Variants in LRRCC1 observed in about 807,000 individuals in gnomAD.
The protein encoded by LRRCC1 is leucine-rich repeat and coiled-coil domain-containing protein 1.
A neutral mutation model predicts 126.0 loss-of-function variants in LRRCC1; 115 were observed. The observed-to-expected ratio is 0.91, with a 90% CI of 0.78 to 1.07. The LOEUF (loss-of-function observed/expected upper bound fraction) is 1.07. LRRCC1 is among the 50% of genes least tolerant of loss of function. The pLI, the probability that LRRCC1 is intolerant of heterozygous loss-of-function variation, is 0.00. For missense variants in LRRCC1, 1,172 were observed against 1,175.7 expected (o/e 1.00, Z 0.05); for synonymous variants, 400 against 393.4 (o/e 1.02, Z -0.20).
chr8:85,115,084 A>G lies in LRRCC1; in HGVS notation c.545-16A>G. 1.3e-6 allele frequency: 2 copies of G among 1,522,766 alleles called. No homozygotes were observed. The highest frequency in any genetic ancestry group is 2.6e-5 in the South Asian group (2 of 75,544). 94.3% of individuals were successfully genotyped at this position (1,522,766 alleles called of 1,614,324 possible). Reference sequence around the variant, plus strand: ...TTTAATATTTCAGTTTTCATTTTGAATGATTTGTTTCCAAGGGTACAGAGC... The same window carrying G: ...TTTAATATTTCAGTTTTCATTTTGAGTGATTTGTTTCCAAGGGTACAGAGC... On this transcript the variant is annotated splice_polypyrimidine_tract_variant and intron_variant, in intron 4 of 18. Coordinates refer to ENST00000360375, the MANE Select transcript of LRRCC1 (RefSeq NM_033402.5).
At position 85,135,974 on chromosome 8, in the gene LRRCC1, C is replaced by G; in HGVS notation, c.2329+11C>G. ...AGCTGGCACAACAAGGTAAAATTCT[C>G]AGATTTTCAAAGGGAAAATAGCTTA... On this transcript the variant is annotated intron_variant, in intron 14 of 18. Transcript: ENST00000360375. 6.5e-7 allele frequency: 1 copy of G among 1,545,110 alleles called. No individual in the cohort carries two copies. Among genetic ancestry groups the G allele is most frequent in the South Asian group, 1.3e-5 (1 of 79,494 alleles).
intron 18 of LRRCC1, among the ~76,000 whole-genome samples, chr8:85,142,818 C>T (rs1474541303): frequency 1.1e-4 from 14 of 131,366 alleles, no homozygotes; most frequent in African/African-American, 1.5e-4. Context: ...GACTACGGAG[C>T]GAGACCCTGT....
At chr8:85,131,594 C>G (rs1810471563) in intron 11 of LRRCC1, among the ~76,000 whole-genome samples, 166 bp from the exon 12 acceptor site, 2 of 152,162 alleles carry the variant, frequency 1.3e-5, no homozygotes, top group Non-Finnish European at 2.9e-5. Context: ...AAATAAAACT[C>G]ATATTATTTG....
chr8:85,126,909 T>G (rs1810054956), intron 9 of LRRCC1, 72 bp downstream of exon 9: 2 of 1,283,148 alleles, frequency 1.6e-6, no homozygotes, highest in East Asian at 4.7e-5. Flanking sequence ...TGGAATACAT[T>G]AGTTTCAGTG....
At position 85,115,502 on chromosome 8, in the gene LRRCC1, A is replaced by C; in HGVS notation, c.848A>C (p.Glu283Ala). 1.2e-6 allele frequency: 2 copies of C among 1,613,834 alleles called. No individual in the cohort carries two copies. Among genetic ancestry groups the C allele is most frequent in the South Asian group, 2.2e-5 (2 of 91,080 alleles). The change falls in exon 6 of 19, where the codon GAG becomes GCG. Residue 283 changes from glutamate to alanine, a missense_variant. Transcript: ENST00000360375. ...FMSVCQSSEP[E>A]KNNHENDLQN... ...TCTGTGTGTCAATCTTCTGAGCCAG[A>C]GAAAAATAATCATGAAAACGATTTG...
rs921646163 is a variant in LRRCC1, at chr8:85,145,736, C to A, written c.*225C>A. The A allele has an allele frequency of 3.6e-6, 1 of 274,276 alleles. No individual in the cohort carries two copies. The allele number at this position is 274,276 out of a possible 1,614,324, so 17.0% of individuals were successfully genotyped here. On this transcript the variant is annotated 3_prime_UTR_variant, in exon 19 of 19. Coordinates refer to ENST00000360375, the MANE Select transcript of LRRCC1 (RefSeq NM_033402.5). Reference sequence around the variant, plus strand: ...ATTAGAAAAAACTATCATAACTAGACTTACAATATTTTTCTTGTTTCTGTA... The same window carrying A: ...ATTAGAAAAAACTATCATAACTAGAATTACAATATTTTTCTTGTTTCTGTA...
Position 85,137,695 on chromosome 8 carries a change from C to G in LRRCC1, c.2493+68C>G, listed in dbSNP as rs918711475. On this transcript the variant is annotated intron_variant, in intron 15 of 18. Transcript: ENST00000360375. ...TTTGCAAATCTTTGGATCAAAGTAT[C>G]CAAAAGCTGTTTTTCAGTGTTTTCC... The G allele has an allele frequency of 2.2e-5, 25 of 1,158,012 alleles. No individual in the cohort carries two copies. In the East Asian group the frequency reaches 6.7e-4, roughly 31 times the overall value. The allele number at this position is 1,158,012 out of a possible 1,614,324, so 71.7% of individuals were successfully genotyped here.
At chr8:85,140,744 A>G (rs1156363761) in intron 17 of LRRCC1, among the ~76,000 whole-genome samples, 2 of 152,186 alleles carry the variant, frequency 1.3e-5, no homozygotes, top group Non-Finnish European at 2.9e-5. Context: ...GATTGGTAGT[A>G]GTCATCATCT....
intron 17 of LRRCC1, among the ~76,000 whole-genome samples, chr8:85,141,172 C>T (rs1222690300): frequency 6.6e-6 from 1 of 152,034 alleles, no homozygotes; most frequent in African/African-American, 2.4e-5. Flanking sequence ...ATATATTATC[C>T]TAACCTAATG....
chr8:85,145,317 T>G, intron 18 of LRRCC1, 72 bp from the exon 19 acceptor site: 1 of 1,217,482 alleles, frequency 8.2e-7, no homozygotes, highest in African/African-American at 1.6e-5. Flanking sequence ...TTTGGACCTT[T>G]TCTTTCAGAA....
At chr8:85,115,920 G>T (rs753428219) in intron 6 of LRRCC1, among the ~76,000 whole-genome samples, 10 of 152,052 alleles carry the variant, frequency 6.6e-5, no homozygotes, top group South Asian at 2.1e-4. Flanking sequence ...GTTACTTAAC[G>T]CAAAGGAATA....
At chr8:85,109,146 T>G (rs1808493864) in intron 1 of LRRCC1, 1 of 156,298 alleles carries the variant, frequency 6.4e-6, no homozygotes, top group Non-Finnish European at 1.4e-5. Flanking sequence ...TAGGTATCCT[T>G]AAGATACCCA....
At position 85,110,181 on chromosome 8, in the gene LRRCC1, G is replaced by T; in HGVS notation, c.376+1G>T. 1 of 1,276,718 alleles carries T rather than the reference G, an allele frequency of 7.8e-7. No homozygotes were observed. 79.1% of individuals were successfully genotyped at this position (1,276,718 alleles called of 1,614,324 possible). On this transcript the variant is annotated splice_donor_variant, in intron 3 of 18. Coordinates refer to ENST00000360375, the MANE Select transcript of LRRCC1 (RefSeq NM_033402.5). LOFTEE classifies it high-confidence loss of function. ...TATAACCACATAGATGATCTTAGTG[G>T]TAAGTAGAAATGCTTATGTTTTCTG...
intron 18 of LRRCC1, among the ~76,000 whole-genome samples, chr8:85,143,077 C>T (rs1192975993): frequency 6.6e-6 from 1 of 152,076 alleles, no homozygotes; most frequent in Non-Finnish European, 1.5e-5. Flanking sequence ...GTAAGCCCAG[C>T]ACTTTGGGAG....
Position 85,115,534 on chromosome 8 carries a change from G to A in LRRCC1, c.880G>A (p.Glu294Lys), listed in dbSNP as rs1422485408. Residue 294 changes from glutamate to lysine, a missense_variant, in exon 6 of 19, where the codon GAG becomes AAG. Coordinates refer to ENST00000360375, the MANE Select transcript of LRRCC1 (RefSeq NM_033402.5). The part of the protein sequence containing the change: ...KNNHENDLQN[E>K]IKLQKLDDQI... Reference sequence around the variant, plus strand: ...TAATCATGAAAACGATTTGCAGAATGAGATAAAACTTCAGAAATTAGATGA... The same window carrying A: ...TAATCATGAAAACGATTTGCAGAATAAGATAAAACTTCAGAAATTAGATGA... 4.3e-6 allele frequency: 7 copies of A among 1,613,290 alleles called. No individual in the cohort carries two copies. In the Admixed American group the frequency reaches 6.7e-5, roughly 15 times the overall value.
intron 8 of LRRCC1, among the ~76,000 whole-genome samples, chr8:85,126,296 C>A (rs2135959141): frequency 6.6e-6 from 1 of 152,268 alleles, no homozygotes; most frequent in East Asian, 1.9e-4. Flanking sequence ...GTGGCTCACA[C>A]CTGTAATCCC....
intron 6 of LRRCC1, among the ~76,000 whole-genome samples, chr8:85,121,422 TTTTTG>T (rs539081432): frequency 9.6e-4 from 146 of 152,062 alleles, no homozygotes; most frequent in Middle Eastern, 6.8e-3. Flanking sequence ...TTTGTTTTGT[TTTTTG>T]TTTTGTTTTG....
chr8:85,108,797 G>A (rs1438938647), intron 1 of LRRCC1: 1 of 152,106 alleles, frequency 6.6e-6, no homozygotes, highest in African/African-American at 2.4e-5. Flanking sequence ...TGTGTTCCTG[G>A]GTGTATCTCC....
At chr8:85,133,008 A>G (rs2135981177) in intron 12 of LRRCC1, among the ~76,000 whole-genome samples, 1 of 152,196 alleles carries the variant, frequency 6.6e-6, no homozygotes, top group East Asian at 1.9e-4. Context: ...TCTTCCTTTG[A>G]CTACTATGTT....
Sources: allele counts gnomAD v4.1 joint callset (sites outside exome capture counted in the v4.1 genomes callset), GRCh38; gene constraint gnomAD v4.1.1; transcripts MANE v1.5; gene names NCBI Gene and HGNC (gene_info 2026-07-23, HGNC 2026-07-21).